Variants in PHKB observed in about 807,000 individuals in gnomAD.
PHKB encodes the protein phosphorylase kinase regulatory subunit beta.
A neutral mutation model predicts 152.1 loss-of-function variants in PHKB; 122 were observed. The ratio of observed to expected loss-of-function variants is 0.80; its 90% CI spans 0.69 to 0.93. PHKB has a LOEUF of 0.93. Ranked by LOEUF, PHKB falls within the 40% of genes least tolerant of loss-of-function variation. The pLI is 0.00. For synonymous variants in PHKB, 436 were observed against 464.9 expected, an observed-to-expected ratio of 0.94 and a Z score of 0.80; for missense variants, 1,304 against 1,328.4, an observed-to-expected ratio of 0.98 and a Z score of 0.29.
At chr16:47,502,885 C>A in intron 3 of PHKB, 106 bp from the exon 4 acceptor site, 1 of 750,180 alleles carries the variant, frequency 1.3e-6, no homozygotes. Flanking sequence ...GTAGACATCA[C>A]CAGAACACAG....
At chr16:47,629,742 T>C (rs1400858282) in intron 14 of PHKB, among the ~76,000 whole-genome samples, 2 of 152,270 alleles carry the variant, frequency 1.3e-5, no homozygotes, top group Non-Finnish European at 1.5e-5. Flanking sequence ...TATTGCGGCA[T>C]TATTCACAAT....
intron 6 of PHKB, among the ~76,000 whole-genome samples, chr16:47,524,767 G>A (rs1970739359): frequency 6.6e-6 from 1 of 152,170 alleles, no homozygotes; most frequent in African/African-American, 2.4e-5. Context: ...ATTTGTGTTT[G>A]ATCTGCTAAT....
At chr16:47,483,223 T>C (rs961037084) in intron 1 of PHKB, among the ~76,000 whole-genome samples, 1 of 151,598 alleles carries the variant, frequency 6.6e-6, no homozygotes, top group African/African-American at 2.4e-5. Context: ...ATTTTTTGTA[T>C]TTTTAGTAGA....
At position 47,661,808 on chromosome 16, in the gene PHKB, T is replaced by G; in HGVS notation, c.2278+8T>G. On this transcript the variant is annotated splice_region_variant and intron_variant, in intron 23 of 30. Transcript: ENST00000323584. Reference sequence around the variant, plus strand: ...ACTTCATCACAAAGGAAGGTAAGCATGCATGTCTAGGAGAACATTTTAAGA... The same window carrying G: ...ACTTCATCACAAAGGAAGGTAAGCAGGCATGTCTAGGAGAACATTTTAAGA... 1 of 1,586,712 alleles carries G rather than the reference T, an allele frequency of 6.3e-7. No homozygotes were observed. The highest frequency in any genetic ancestry group is 1.1e-5 in the South Asian group (1 of 90,570).
At chr16:47,621,861 GC>G (rs1972623642) in intron 14 of PHKB, among the ~76,000 whole-genome samples, 1 of 152,078 alleles carries the variant, frequency 6.6e-6, no homozygotes, top group African/African-American at 2.4e-5. Context: ...TTATACCTGA[GC>G]CAATTAAAAT....
intron 1 of PHKB, among the ~76,000 whole-genome samples, chr16:47,471,731 AACTT>A (rs976349648): frequency 6.6e-6 from 1 of 152,334 alleles, no homozygotes; most frequent in East Asian, 1.9e-4. Flanking sequence ...AGAATAAACT[AACTT>A]TAGAAAGTGA....
intron 6 of PHKB, among the ~76,000 whole-genome samples, chr16:47,546,834 C>A (rs1971177098): frequency 6.6e-6 from 1 of 152,144 alleles, no homozygotes; most frequent in South Asian, 2.1e-4. Flanking sequence ...CCCAGCCAGG[C>A]TTGCTGCCGT....
rs567443351 is a variant in PHKB at position 47,596,157 on chromosome 16, A to C, written c.1205-216A>C. On this transcript the variant is annotated intron_variant, in intron 12 of 30. Transcript: ENST00000323584. ...GGAGATCTGATGGTTTTGTAAATGC[A>C]TAAGCCCTCTTGCCTGCCACCATAT... 3.9e-5 allele frequency among the ~76,000 whole-genome samples: 6 copies of C among 152,074 alleles called. No individual in the cohort carries two copies. In the South Asian group the frequency reaches 1.2e-3, roughly 32 times the overall value.
At chr16:47,589,375 A>AT (rs1567317465) in intron 10 of PHKB, among the ~76,000 whole-genome samples, 1 of 152,244 alleles carries the variant, frequency 6.6e-6, no homozygotes, top group African/African-American at 2.4e-5. Context: ...GTTAGCTCTT[A>AT]TTACCAGTGA....
At chr16:47,530,132 CTTTTTTTT>C (rs201960518) in intron 6 of PHKB, among the ~76,000 whole-genome samples, 1 of 129,748 alleles carries the variant, frequency 7.7e-6, no homozygotes, top group African/African-American at 2.8e-5. Flanking sequence ...ATATAAACTC[CTTTTTTTT>C]TTTTTTTTTT....
At chr16:47,666,062 G>T (rs1484710315) in intron 25 of PHKB, 1 of 1,497,828 alleles carries the variant, frequency 6.7e-7, no homozygotes, top group East Asian at 2.3e-5. Flanking sequence ...ACACTTATTT[G>T]GTCCCGGTTG....
intron 5 of PHKB, among the ~76,000 whole-genome samples, chr16:47,514,610 C>T (rs1416809067): frequency 6.6e-6 from 1 of 152,226 alleles, no homozygotes; most frequent in Non-Finnish European, 1.5e-5. Context: ...AGACAGCCAA[C>T]TCACGTGCCA....
intron 7 of PHKB, among the ~76,000 whole-genome samples, chr16:47,564,189 C>A (rs1021899368): frequency 6.6e-6 from 1 of 151,788 alleles, no homozygotes; most frequent in Non-Finnish European, 1.5e-5. Context: ...TTGGTAGATA[C>A]CCAGTAGTGG....
chr16:47,585,936 C>CT (rs1437596265), intron 8 of PHKB, among the ~76,000 whole-genome samples: 2 of 152,110 alleles, frequency 1.3e-5, no homozygotes, highest in Admixed American at 1.3e-4. Context: ...ATGCAATTAA[C>CT]TTTATTAATT....
At chr16:47,498,560 C>T (rs544733918) in intron 2 of PHKB, among the ~76,000 whole-genome samples, 1 of 152,226 alleles carries the variant, frequency 6.6e-6, no homozygotes, top group African/African-American at 2.4e-5. Context: ...CCTGTGATCC[C>T]AGCTCCAGAA....
chr16:47,511,871 A>G (rs1240050840), intron 5 of PHKB, 99 bp downstream of exon 5: 2 of 788,784 alleles, frequency 2.5e-6, no homozygotes, highest in Non-Finnish European at 4.5e-6. Flanking sequence ...GTGGAAAACA[A>G]GTTTTCCACG....
rs143619674 is a variant in PHKB at position 47,536,256 on chromosome 16, G to A, written c.595-11177G>A. On this transcript the variant is annotated intron_variant, in intron 6 of 30. Transcript: ENST00000323584. The stretch of plus-strand genomic sequence containing the variant: ...AGTAGAGACAGAGTTTCTCCATGTT[G>A]GTCAGGCTGGTCTCGAACTTCTGAC... Among the ~76,000 whole-genome samples the A allele has an allele frequency of 7.1e-3, 1,080 of 152,198 alleles. 16 individuals carry two copies. The highest frequency in any genetic ancestry group is 0.025 in the African/African-American group (1,035 of 41,520).
chr16:47,550,077 A>T (rs911373258), intron 7 of PHKB, among the ~76,000 whole-genome samples: 1 of 152,206 alleles, frequency 6.6e-6, no homozygotes, highest in African/African-American at 2.4e-5. Flanking sequence ...AAAGAACTTT[A>T]ACCTTAATTT....
chr16:47,585,320 C>T (rs951700302), intron 8 of PHKB, among the ~76,000 whole-genome samples: 3 of 152,118 alleles, frequency 2.0e-5, no homozygotes, highest in Non-Finnish European at 4.4e-5. Context: ...TTGGGGAAAT[C>T]AAGATACTGA....
Sources: allele counts gnomAD v4.1 joint callset (sites outside exome capture counted in the v4.1 genomes callset), GRCh38; gene constraint gnomAD v4.1.1; transcripts MANE v1.5; gene names NCBI Gene and HGNC (gene_info 2026-07-23, HGNC 2026-07-21).